DENND1A: variants seen among roughly 807,000 people sequenced by gnomAD.
The protein encoded by DENND1A is DENN domain containing 1A, also known as DENN domain-containing protein 1A.
In DENND1A, 51 loss-of-function variants were observed where a neutral mutation model predicts 113.7. The observed-to-expected ratio is 0.45, with a 90% CI of 0.36 to 0.57. The LOEUF (loss-of-function observed/expected upper bound fraction) is 0.57. Ranked by LOEUF, DENND1A falls within the 20% of genes least tolerant of loss-of-function variation. The pLI, the probability that DENND1A is intolerant of heterozygous loss-of-function variation, is 0.00. For synonymous variants in DENND1A, 565 were observed against 570.8 expected (o/e 0.99, Z 0.14); for missense variants, 1,258 against 1,395.9 (o/e 0.90, Z 1.57).
In DENND1A at chr9:123,422,864, C is replaced by T. The variant is rs1044640047; in HGVS notation, c.1489-11035G>A. On this transcript the variant is annotated intron_variant, in intron 19 of 23. Transcript: ENST00000394215. The surrounding 1 kb of genome is among the most constrained non-coding windows in gnomAD (Gnocchi z 4.8). ...TCAGCTCTGGTCGATGTGCTTACCG[C>T]AGCAGCCCCTGAGCCCTCGGAGAAC... is the stretch of plus-strand genomic sequence containing the variant. Among the ~76,000 whole-genome samples, 6 of 152,176 alleles carry T rather than the reference C, an allele frequency of 3.9e-5. No individual in the cohort carries two copies. Among genetic ancestry groups the T allele is most frequent in the African/African-American group, 1.4e-4 (6 of 41,440 alleles).
At chr9:123,613,269 T>G (rs549507147) in intron 10 of DENND1A, among the ~76,000 whole-genome samples, 1 of 152,298 alleles carries the variant, frequency 6.6e-6, no homozygotes, top group South Asian at 2.1e-4. Context: ...CTTGGACACA[T>G]TTTTAAAAAC....
chr9:123,727,889 G>C (rs1026106916), intron 5 of DENND1A, among the ~76,000 whole-genome samples: 1 of 149,934 alleles, frequency 6.7e-6, no homozygotes, highest in Non-Finnish European at 1.5e-5. Flanking sequence ...GGCAGATCAT[G>C]AGGTCAGGAG....
Position 123,381,155 on chromosome 9 carries a change from T to TCTTG in DENND1A, c.*276_*277insCAAG. The TCTTG allele has an allele frequency of 2.1e-6, 1 of 487,378 alleles. No individual in the cohort carries two copies. Among genetic ancestry groups the TCTTG allele is most frequent in the Non-Finnish European group, 3.7e-6 (1 of 268,442 alleles). 30.2% of individuals were successfully genotyped at this position (487,378 alleles called of 1,614,324 possible). A position where few individuals can be genotyped will look rare whatever the true frequency, so the allele number is the denominator to read the frequency against. ...ATATCATTGGCCCAGCTGACCTCTT[T>TCTTG]AGTGCAAAACCCAATCAAGGGTGCC... is the stretch of plus-strand genomic sequence containing the variant. On this transcript the variant is annotated 3_prime_UTR_variant, in exon 24 of 24. Transcript: ENST00000394215. This position sits in a 1 kb window ranked among gnomAD's most constrained non-coding sequence, Gnocchi z 4.7.
intron 15 of DENND1A, among the ~76,000 whole-genome samples, chr9:123,455,997 CT>C (rs1394826599): frequency 4.6e-5 from 7 of 152,148 alleles, no homozygotes; most frequent in African/African-American, 1.7e-4. Context: ...CCTAACACTC[CT>C]TGAGGGCAGA....
At chr9:123,468,690 G>A (rs1024857234) in intron 13 of DENND1A, among the ~76,000 whole-genome samples, 3 of 152,200 alleles carry the variant, frequency 2.0e-5, no homozygotes, top group African/African-American at 7.2e-5. Flanking sequence ...GGCCAACATG[G>A]AAAAAGCTAG....
chr9:123,838,405 T>C (rs1461656513), intron 2 of DENND1A, among the ~76,000 whole-genome samples: 1 of 152,076 alleles, frequency 6.6e-6, no homozygotes, highest in South Asian at 2.1e-4. Flanking sequence ...ATAAAGCAAA[T>C]AGAAGCTTAA....
intron 3 of DENND1A, among the ~76,000 whole-genome samples, chr9:123,779,475 C>T (rs1264063467): frequency 1.3e-5 from 2 of 152,132 alleles, no homozygotes; most frequent in East Asian, 1.9e-4. Context: ...TCTCCAGCTC[C>T]GGGTTCCTAT....
chr9:123,857,855 C>T lies in DENND1A; in HGVS notation c.88+21096G>A, dbSNP rs532245617. Among the ~76,000 whole-genome samples the T allele has an allele frequency of 7.9e-5, 12 of 152,016 alleles. No homozygotes were observed. The East Asian group carries it at 1.4e-3, about 17-fold the overall frequency. ...CGGGTGGATCACGAGGTCAGGAGAT[C>T]GAGACCATCCTGGCTAACACAGTGA... is the stretch of plus-strand genomic sequence containing the variant. On this transcript the variant is annotated intron_variant, in intron 2 of 23. Coordinates refer to ENST00000394215, the MANE Select transcript of DENND1A (RefSeq NM_001352964.2).
chr9:123,440,161 C>T, intron 19 of DENND1A, 199 bp downstream of exon 19: 1 of 569,496 alleles, frequency 1.8e-6, no homozygotes, highest in Non-Finnish European at 2.9e-6. Flanking sequence ...CTCAGCCGTG[C>T]TGTCTCCTCA....
At chr9:123,451,740 C>T (rs1362710503) in intron 17 of DENND1A, among the ~76,000 whole-genome samples, 1 of 152,150 alleles carries the variant, frequency 6.6e-6, no homozygotes, top group Non-Finnish European at 1.5e-5. Flanking sequence ...CAGTAGCCTC[C>T]CATTTCTCTA....
chr9:123,880,684 C>T lies in DENND1A; in HGVS notation c.18-1663G>A, dbSNP rs186016017. On this transcript the variant is annotated intron_variant, in intron 1 of 23. Coordinates refer to ENST00000394215, the MANE Select transcript of DENND1A (RefSeq NM_001352964.2). Reference sequence around the variant, plus strand: ...AGAGATAGGTGTGTCAGGATTACTACAACCATACAAATGAGCAACCTCATG... The same window carrying T: ...AGAGATAGGTGTGTCAGGATTACTATAACCATACAAATGAGCAACCTCATG... Among the ~76,000 whole-genome samples the T allele has an allele frequency of 3.1e-3, 466 of 152,268 alleles. 2 individuals are homozygous for T. Among genetic ancestry groups the T allele is most frequent in the African/African-American group, 0.011 (446 of 41,556 alleles).
intron 5 of DENND1A, among the ~76,000 whole-genome samples, chr9:123,710,454 A>T (rs2066500780): frequency 6.6e-6 from 1 of 152,130 alleles, no homozygotes; most frequent in Non-Finnish European, 1.5e-5. Context: ...ACTCTAGAGA[A>T]TCCTTTCTAG....
At chr9:123,734,696 G>A (rs1056972467) in intron 5 of DENND1A, among the ~76,000 whole-genome samples, 11 of 152,186 alleles carry the variant, frequency 7.2e-5, no homozygotes, top group East Asian at 1.9e-4. Flanking sequence ...CTTCCTCTGC[G>A]GGACTGCTGT....
intron 13 of DENND1A, among the ~76,000 whole-genome samples, chr9:123,473,833 T>G (rs2049653505): frequency 6.6e-6 from 1 of 152,018 alleles, no homozygotes; most frequent in African/African-American, 2.4e-5. Context: ...ATCTAAGAGA[T>G]CCAGGCCTTG....
chr9:123,647,668 T>TA (rs1055187622), intron 9 of DENND1A, among the ~76,000 whole-genome samples: 2 of 152,214 alleles, frequency 1.3e-5, no homozygotes, highest in African/African-American at 4.8e-5. Flanking sequence ...TACTGAACAG[T>TA]ATATCCTTGT....
At chr9:123,797,035 T>C (rs1419792088) in intron 2 of DENND1A, among the ~76,000 whole-genome samples, 1 of 152,198 alleles carries the variant, frequency 6.6e-6, no homozygotes, top group East Asian at 1.9e-4. Context: ...ACTTTTAACA[T>C]GTTAGGTATT....
chr9:123,902,708 C>A (rs980410339), intron 1 of DENND1A, among the ~76,000 whole-genome samples: 1 of 150,114 alleles, frequency 6.7e-6, no homozygotes, highest in African/African-American at 2.4e-5. Flanking sequence ...AGGAAACTGA[C>A]ATCCTTAAAT....
intron 4 of DENND1A, among the ~76,000 whole-genome samples, chr9:123,767,188 C>A (rs73667920): frequency 0.016 from 2,409 of 152,128 alleles, 71 homozygotes; most frequent in African/African-American, 0.056. Flanking sequence ...GAACTTTATT[C>A]ATTATTATTA....
intron 2 of DENND1A, among the ~76,000 whole-genome samples, chr9:123,864,653 G>A (rs1272097313): frequency 1.3e-5 from 2 of 152,004 alleles, no homozygotes; most frequent in Non-Finnish European, 1.5e-5. Flanking sequence ...AAAATCGCGG[G>A]AGAGAAAACT....
Sources: gnomAD v4.1 joint callset for allele counts (sites outside exome capture counted in the v4.1 genomes callset) on GRCh38, gnomAD v4.1.1 for gene constraint, Gnocchi (gnomAD v3.1) non-coding constraint, MANE v1.5 for transcripts, NCBI Gene and HGNC (gene_info 2026-07-23, HGNC 2026-07-21) for gene names.